Variants in ZPBP observed in about 807,000 individuals in gnomAD.
The protein encoded by ZPBP is zona pellucida binding protein, also known as zona pellucida-binding protein 1.
In ZPBP, 26 loss-of-function variants were observed where a neutral mutation model predicts 44.8. The observed-to-expected ratio is 0.58, with a 90% CI of 0.43 to 0.81. The LOEUF (loss-of-function observed/expected upper bound fraction) is 0.81. Among genes scored for constraint, ZPBP ranks in the 30% least tolerant of loss-of-function variants. The probability of loss-of-function intolerance (pLI) is 0.00; values close to 1 mark genes in which losing one functional copy is unlikely to be tolerated. For synonymous variants in ZPBP, 174 were observed against 153.2 expected (o/e 1.14, Z -1.00); for missense variants, 409 against 434.0 (o/e 0.94, Z 0.51).
chr7:49,969,671 A>G (rs1198592855), intron 7 of ZPBP, among the ~76,000 whole-genome samples: 1 of 152,042 alleles, frequency 6.6e-6, no homozygotes, highest in East Asian at 1.9e-4. Context: ...TCTCATAAAC[A>G]CAGAAAAAGG....
chr7:49,906,521 A>G (rs963644254), intron 1 of ZPBP, among the ~76,000 whole-genome samples: 5 of 152,080 alleles, frequency 3.3e-5, no homozygotes, highest in Non-Finnish European at 2.9e-5. Context: ...TATTTTTACT[A>G]TAGATGGGGT....
At chr7:50,031,861 G>A (rs767802530) in intron 4 of ZPBP, among the ~76,000 whole-genome samples, 32 of 151,578 alleles carry the variant, frequency 2.1e-4, no homozygotes, top group Non-Finnish European at 4.1e-4. Flanking sequence ...TATATATTTT[G>A]CCCATCCCAA....
chr7:50,081,925 C>A, intron 2 of ZPBP, 26 bp from the exon 3 acceptor site: 1 of 1,606,998 alleles, frequency 6.2e-7, no homozygotes, highest in South Asian at 1.1e-5. Context: ...TTAAAATGTT[C>A]CAATAGTATT....
chr7:49,981,315 T>A (rs7459323), intron 7 of ZPBP, among the ~76,000 whole-genome samples: 1 of 47,330 alleles, frequency 2.1e-5, no homozygotes, highest in Non-Finnish European at 4.9e-5. Context: ...AATTATATAT[T>A]ATATAATATA....
intron 6 of ZPBP, among the ~76,000 whole-genome samples, chr7:50,001,011 A>G (rs1798071866): frequency 6.6e-6 from 1 of 152,166 alleles, no homozygotes; most frequent in African/African-American, 2.4e-5. Context: ...ACAAAGAGGA[A>G]AGACCATGTG....
In ZPBP at chr7:49,992,528, C is replaced by G. The variant is rs570121463; in HGVS notation, c.784-9009G>C. Among the ~76,000 whole-genome samples the G allele has an allele frequency of 6.6e-5, 10 of 151,922 alleles. No homozygotes were observed. The East Asian group carries it at 1.5e-3, about 24-fold the overall frequency. ...CACAATAATGAAACACAATGAATAT[C>G]TGAAGATAATATTCAACATGAAAAA... On this transcript the variant is annotated intron_variant, in intron 6 of 7. Coordinates refer to ENST00000046087, the MANE Select transcript of ZPBP (RefSeq NM_007009.3).
Position 50,003,218 on chromosome 7 carries a change from CA to C in ZPBP, c.783+15021del, listed in dbSNP as rs1425577283. 6.6e-5 allele frequency among the ~76,000 whole-genome samples: 10 copies of C among 152,258 alleles called. No homozygotes were observed. In the East Asian group the frequency reaches 1.5e-3, roughly 24 times the overall value. On this transcript the variant is annotated intron_variant, in intron 6 of 7. Transcript: ENST00000046087. The stretch of plus-strand genomic sequence containing the variant: ...TCCACGTGAAGTAACATCAACAAGA[CA>C]GCAGACTAGGAAGTTTCATGTCCTT...
chr7:49,973,306 T>G (rs1796375066), intron 7 of ZPBP, among the ~76,000 whole-genome samples: 1 of 151,428 alleles, frequency 6.6e-6, no homozygotes, highest in Non-Finnish European at 1.5e-5. Flanking sequence ...TGCTTGGATA[T>G]GGTAACAAAA....
At chr7:50,063,083 T>A (rs1246796263) in intron 3 of ZPBP, among the ~76,000 whole-genome samples, 5 of 152,224 alleles carry the variant, frequency 3.3e-5, no homozygotes, top group African/African-American at 1.2e-4. Flanking sequence ...TTTTTACTTT[T>A]CAAGAAATAA....
chr7:49,961,858 T>G (rs921018131), intron 7 of ZPBP, among the ~76,000 whole-genome samples: 1 of 152,052 alleles, frequency 6.6e-6, no homozygotes, highest in African/African-American at 2.4e-5. Context: ...TTAGAAAGAA[T>G]GTAAAGCATG....
chr7:49,875,369 CAAAAAAAAAAAAA>C (rs71018432), intron 2 of ZPBP, among the ~76,000 whole-genome samples: 2 of 19,016 alleles, frequency 1.1e-4, no homozygotes, highest in African/African-American at 2.2e-4. Context: ...GATTCTGACT[CAAAAAAAAAAAAA>C]AAAAAAAAAA....
At chr7:49,930,588 T>A (rs182509444) in intron 1 of ZPBP, among the ~76,000 whole-genome samples, 3 of 152,134 alleles carry the variant, frequency 2.0e-5, no homozygotes, top group Non-Finnish European at 2.9e-5. Flanking sequence ...TTAAAAACGA[T>A]ACTGGAGAAC....
At chr7:49,932,702 G>T (rs1794487559), downstream of ZPBP, among the ~76,000 whole-genome samples, 1 of 152,090 alleles carries the variant, frequency 6.6e-6, no homozygotes. Flanking sequence ...CATGAGATTT[G>T]GGAGGGGTCA....
chr7:49,922,198 A>C (rs930656372), intron 1 of ZPBP, among the ~76,000 whole-genome samples: 1 of 152,154 alleles, frequency 6.6e-6, no homozygotes, highest in African/African-American at 2.4e-5. Context: ...ATAATATCCC[A>C]CGGAATTGAC....
At chr7:49,899,221 G>T (rs1792573287) in intron 2 of ZPBP, among the ~76,000 whole-genome samples, 1 of 151,906 alleles carries the variant, frequency 6.6e-6, no homozygotes, top group Non-Finnish European at 1.5e-5. Context: ...TTATAATAAT[G>T]GGTGAGTAGC....
chr7:50,002,295 T>A (rs927064302), intron 6 of ZPBP, among the ~76,000 whole-genome samples: 1 of 152,088 alleles, frequency 6.6e-6, no homozygotes, highest in African/African-American at 2.4e-5. Flanking sequence ...GAGAACAGTA[T>A]GGGAAATACC....
At chr7:50,030,812 T>A (rs921287177) in intron 5 of ZPBP, among the ~76,000 whole-genome samples, 3 of 152,152 alleles carry the variant, frequency 2.0e-5, no homozygotes, top group African/African-American at 7.2e-5. Context: ...AATTAAATCA[T>A]TATATCTAAA....
At chr7:49,893,692 G>A (rs1160072380) in intron 2 of ZPBP, among the ~76,000 whole-genome samples, 1 of 151,266 alleles carries the variant, frequency 6.6e-6, no homozygotes, top group Non-Finnish European at 1.5e-5. Flanking sequence ...AATATGTCAG[G>A]TATATAAAAG....
At chr7:49,877,481 A>AAAATATATATATATATATATATATAT in intron 2 of ZPBP, among the ~76,000 whole-genome samples, 1 of 12,722 alleles carries the variant, frequency 7.9e-5, no homozygotes, top group African/African-American at 2.8e-4. Flanking sequence ...AAAAAAAAAA[A>AAAATATATATATATATATATATATAT]ATATATATAT....
Sources: gnomAD v4.1 joint callset for allele counts (sites outside exome capture counted in the v4.1 genomes callset) on GRCh38, gnomAD v4.1.1 for gene constraint, MANE v1.5 for transcripts, NCBI Gene and HGNC (gene_info 2026-07-23, HGNC 2026-07-21) for gene names.